The following TMPRSS11F variants were observed in gnomAD, a reference collection of about 807,000 sequenced individuals.
TMPRSS11F encodes transmembrane protease serine 11F.
A neutral mutation model predicts 60.2 loss-of-function variants in TMPRSS11F; 47 were observed. The ratio of observed to expected loss-of-function variants is 0.78; its 90% CI spans 0.62 to 1.00. The LOEUF is 1.00. TMPRSS11F is among the 50% of genes least tolerant of loss of function. The pLI is 0.00. For missense variants in TMPRSS11F, 519 were observed against 522.9 expected, an observed-to-expected ratio of 0.99 and a Z score of 0.07; for synonymous variants, 166 against 167.3, an observed-to-expected ratio of 0.99 and a Z score of 0.06.
intron 7 of TMPRSS11F, among the ~76,000 whole-genome samples, chr4:68,068,006 G>A (rs1560394809): frequency 6.6e-6 from 1 of 152,188 alleles, no homozygotes; most frequent in Non-Finnish European, 1.5e-5. Flanking sequence ...ACACAGCTGA[G>A]TTTTAAGAGG....
At chr4:68,111,697 C>T (rs1401790890) in intron 1 of TMPRSS11F, among the ~76,000 whole-genome samples, 1 of 152,128 alleles carries the variant, frequency 6.6e-6, no homozygotes, top group African/African-American at 2.4e-5. Context: ...ATTTTTCTGC[C>T]AGCATGGTGG....
intron 1 of TMPRSS11F, among the ~76,000 whole-genome samples, chr4:68,112,182 T>C (rs910286243): frequency 1.3e-5 from 2 of 152,216 alleles, no homozygotes; most frequent in African/African-American, 2.4e-5. Context: ...ATTATTTTCA[T>C]TGACGTTTCA....
chr4:68,122,472 G>A (rs545889898), intron 1 of TMPRSS11F, among the ~76,000 whole-genome samples: 42 of 152,190 alleles, frequency 2.8e-4, no homozygotes, highest in African/African-American at 7.0e-4. Context: ...TAAGTATACC[G>A]AGGGATTTGG....
intron 5 of TMPRSS11F, among the ~76,000 whole-genome samples, chr4:68,070,776 A>G (rs1723443534): frequency 6.6e-6 from 1 of 152,214 alleles, no homozygotes; most frequent in South Asian, 2.1e-4. Context: ...TGTCAGTGAG[A>G]ACATGGGGAA....
chr4:68,065,981 C>T (rs532844767), intron 7 of TMPRSS11F, among the ~76,000 whole-genome samples: 6 of 151,822 alleles, frequency 4.0e-5, no homozygotes, highest in South Asian at 4.2e-4. Flanking sequence ...CTGGGTGTGG[C>T]GGTGTGTGCC....
chr4:68,073,859 G>T (rs973956294), intron 4 of TMPRSS11F, 83 bp downstream of exon 4: 5 of 812,794 alleles, frequency 6.2e-6, no homozygotes, highest in Non-Finnish European at 5.8e-6. Flanking sequence ...GTAAAGACTT[G>T]CTCAGGGCAG....
chr4:68,102,538 G>C (rs1441916381), intron 1 of TMPRSS11F, among the ~76,000 whole-genome samples: 2 of 152,086 alleles, frequency 1.3e-5, no homozygotes, highest in Non-Finnish European at 2.9e-5. Context: ...GGTATCTCAT[G>C]TTAGTTTTAA....
rs545194449 is a variant in TMPRSS11F at position 68,073,428 on chromosome 4, AAAG to A, written c.350+511_350+513del. Among the ~76,000 whole-genome samples, 73 of 152,248 alleles carry A rather than the reference AAAG, an allele frequency of 4.8e-4. 2 individuals carry two copies. The South Asian group carries it at 9.5e-3, about 20-fold the overall frequency. On this transcript the variant is annotated intron_variant, in intron 4 of 9. Coordinates refer to ENST00000356291, the MANE Select transcript of TMPRSS11F (RefSeq NM_207407.2). Reference sequence around the variant, plus strand: ...AAGGAAGGAAGAAAAGGAGAAAGGGAAAGAAGGAGAGAGGGAGGAGAGAAAAGT... The same window carrying A: ...AAGGAAGGAAGAAAAGGAGAAAGGGAAAGGAGAGAGGGAGGAGAGAAAAGT...
At chr4:68,070,753 T>C (rs1723442999) in intron 5 of TMPRSS11F, among the ~76,000 whole-genome samples, 2 of 152,226 alleles carry the variant, frequency 1.3e-5, no homozygotes, top group African/African-American at 4.8e-5. Context: ...GGGTTAGTGA[T>C]TGGTTTTCTG....
chr4:68,080,887 T>A (rs1723685119), intron 3 of TMPRSS11F: 1 of 152,232 alleles, frequency 6.6e-6, no homozygotes, highest in African/African-American at 2.4e-5. Flanking sequence ...TTGGAAGTTC[T>A]GTCATCACAC....
chr4:68,084,562 A>G (rs1231489345), intron 3 of TMPRSS11F, among the ~76,000 whole-genome samples: 1 of 152,182 alleles, frequency 6.6e-6, no homozygotes, highest in Non-Finnish European at 1.5e-5. Flanking sequence ...CTGCCAAACT[A>G]AGCTTCATAA....
intron 1 of TMPRSS11F, among the ~76,000 whole-genome samples, chr4:68,110,048 G>A (rs1293845380): frequency 6.6e-6 from 1 of 152,136 alleles, no homozygotes; most frequent in East Asian, 1.9e-4. Context: ...TCTTACATAT[G>A]TCTTAACATA....
At chr4:68,057,282 C>CAAA (rs869035642) in intron 9 of TMPRSS11F, among the ~76,000 whole-genome samples, 59 of 56,960 alleles carry the variant, frequency 1.0e-3, no homozygotes, top group Middle Eastern at 0.012. Flanking sequence ...GAGACTGTCT[C>CAAA]AAAAAAAAAA....
At chr4:68,072,976 G>T (rs924716041) in intron 4 of TMPRSS11F, among the ~76,000 whole-genome samples, 1 of 152,142 alleles carries the variant, frequency 6.6e-6, no homozygotes, top group Non-Finnish European at 1.5e-5. Context: ...GAGGTTTACT[G>T]AAACTTTCTA....
At chr4:68,065,379 T>C (rs1478432296) in intron 7 of TMPRSS11F, among the ~76,000 whole-genome samples, 1 of 152,206 alleles carries the variant, frequency 6.6e-6, no homozygotes, top group East Asian at 1.9e-4. Flanking sequence ...TTTGTCTGCT[T>C]TGCAAACCTT....
At chr4:68,118,360 G>A (rs1443924489) in intron 1 of TMPRSS11F, among the ~76,000 whole-genome samples, 1 of 151,954 alleles carries the variant, frequency 6.6e-6, no homozygotes, top group Non-Finnish European at 1.5e-5. Context: ...TTCAAGAAAG[G>A]TTTTAATTCA....
intron 2 of TMPRSS11F, among the ~76,000 whole-genome samples, chr4:68,093,717 C>T (rs77462453): frequency 0.3 from 45,835 of 151,060 alleles, 6,990 homozygotes; most frequent in East Asian, 0.48. Flanking sequence ...AAACAAACAA[C>T]CCCATCAAAA....
chr4:68,098,142 T>C (rs1331019143), intron 2 of TMPRSS11F, among the ~76,000 whole-genome samples: 1 of 151,994 alleles, frequency 6.6e-6, no homozygotes, highest in Non-Finnish European at 1.5e-5. Context: ...CCAACTCTAC[T>C]AAAAATACAA....
rs1273879932 is a variant in TMPRSS11F, at chr4:68,090,546, T to C, written c.259A>G (p.Arg87Gly). 6.3e-7 allele frequency: 1 copy of C among 1,593,888 alleles called. No individual in the cohort carries two copies. The highest frequency in any genetic ancestry group is 8.5e-7 in the Non-Finnish European group (1 of 1,170,858). ...ACCATTCTTTCAATCTGATGACTCCTTTCTATAAACTCTCTTGAAGATCTT... is the reference window on the plus strand; with the variant it reads ...ACCATTCTTTCAATCTGATGACTCCCTTCTATAAACTCTCTTGAAGATCTT... Reference protein sequence around the residue: ...GIRSSREFIERSHQIERMMSR... With the variant: ...GIRSSREFIEGSHQIERMMSR... The change falls in exon 3 of 10, where the codon AGG (arginine) becomes GGG (glycine). Residue 87 changes from arginine (R) to glycine (G), a missense_variant. By Grantham distance (125) the Arg-to-Gly change is moderately radical (BLOSUM62 -2). Coordinates refer to ENST00000356291, the MANE Select transcript of TMPRSS11F (RefSeq NM_207407.2).
Sources: allele counts gnomAD v4.1 joint callset (sites outside exome capture counted in the v4.1 genomes callset), GRCh38; gene constraint gnomAD v4.1.1; transcripts MANE v1.5; gene names NCBI Gene and HGNC (gene_info 2026-07-23, HGNC 2026-07-21).